ASB4: variants seen among roughly 807,000 people sequenced by gnomAD.
ASB4 encodes the protein ankyrin repeat and SOCS box containing 4.
A neutral mutation model predicts 38.6 loss-of-function variants in ASB4; 35 were observed. The ratio of observed to expected loss-of-function variants is 0.91; its 90% CI spans 0.69 to 1.20. The LOEUF is 1.20. Among genes scored for constraint, ASB4 ranks in the 50% most tolerant of loss-of-function variants. The probability of loss-of-function intolerance (pLI) is 0.00; values close to 1 mark genes in which losing one functional copy is unlikely to be tolerated. For synonymous variants in ASB4, 195 were observed against 201.3 expected (o/e 0.97, Z 0.26); for missense variants, 557 against 527.2 (o/e 1.06, Z -0.55).
chr7:95,522,910 A>G (rs923186100), intron 2 of ASB4, among the ~76,000 whole-genome samples: 9 of 152,174 alleles, frequency 5.9e-5, no homozygotes, highest in Non-Finnish European at 8.8e-5. Context: ...GCATAAATTA[A>G]AAGGTTCATG....
intron 2 of ASB4, among the ~76,000 whole-genome samples, chr7:95,518,086 C>G (rs1790609482): frequency 6.6e-6 from 1 of 152,158 alleles, no homozygotes; most frequent in African/African-American, 2.4e-5. Context: ...GGTAAAGATG[C>G]TGAATTAGTC....
chr7:95,503,588 C>A (rs1050618025), intron 2 of ASB4, among the ~76,000 whole-genome samples: 3 of 152,152 alleles, frequency 2.0e-5, no homozygotes, highest in African/African-American at 7.2e-5. Context: ...GAGGTATAGC[C>A]AAAGGCTAAA....
intron 3 of ASB4, among the ~76,000 whole-genome samples, chr7:95,534,072 C>CGATGGCCA (rs1562822818): frequency 6.6e-6 from 1 of 152,066 alleles, no homozygotes; most frequent in Non-Finnish European, 1.5e-5. Context: ...TGGCTGGGCG[C>CGATGGCCA]GGTGGCTTAC....
At chr7:95,506,543 T>C (rs1016352154) in intron 2 of ASB4, among the ~76,000 whole-genome samples, 5 of 152,218 alleles carry the variant, frequency 3.3e-5, no homozygotes, top group Non-Finnish European at 7.3e-5. Flanking sequence ...GAATTCTAGA[T>C]TCATAAACAT....
chr7:95,482,087 A>G (rs1340560547), upstream of ASB4, among the ~76,000 whole-genome samples: 1 of 152,210 alleles, frequency 6.6e-6, no homozygotes, highest in African/African-American at 2.4e-5. Context: ...GGGCAATTTA[A>G]TTAAGCTGCT....
At chr7:95,522,512 C>T (rs1271222681) in intron 2 of ASB4, among the ~76,000 whole-genome samples, 2 of 152,080 alleles carry the variant, frequency 1.3e-5, no homozygotes, top group Non-Finnish European at 2.9e-5. Context: ...CATAAATTTG[C>T]CTCTACATGT....
intron 1 of ASB4, among the ~76,000 whole-genome samples, chr7:95,489,623 G>A (rs1421707370): frequency 6.6e-6 from 1 of 152,170 alleles, no homozygotes; most frequent in Non-Finnish European, 1.5e-5. Flanking sequence ...TGGGAATGGC[G>A]GAGATAATGG....
chr7:95,494,224 G>A (rs1397808683), intron 1 of ASB4, among the ~76,000 whole-genome samples: 1 of 152,154 alleles, frequency 6.6e-6, no homozygotes, highest in Non-Finnish European at 1.5e-5. Flanking sequence ...CATCCTCAGA[G>A]CACCCTCTAG....
At chr7:95,476,138 C>T (rs1305901341), upstream of ASB4, among the ~76,000 whole-genome samples, 1 of 152,200 alleles carries the variant, frequency 6.6e-6, no homozygotes. Context: ...GGTCTAATTT[C>T]ATTCGTCTAT....
chr7:95,504,594 G>A (rs1394307996), intron 2 of ASB4, among the ~76,000 whole-genome samples: 1 of 152,038 alleles, frequency 6.6e-6, no homozygotes. Flanking sequence ...TACCACCTGT[G>A]CAATATGAAT....
chr7:95,473,542 T>G (rs1228426584), upstream of ASB4, among the ~76,000 whole-genome samples: 1 of 152,104 alleles, frequency 6.6e-6, no homozygotes, highest in Non-Finnish European at 1.5e-5. Flanking sequence ...AAATCCCCAT[T>G]AATGAGGGAA....
chr7:95,537,888 A>C lies in ASB4; in HGVS notation c.*129A>C. 1.4e-6 allele frequency: 1 copy of C among 712,194 alleles called. No homozygotes were observed. The allele number at this position is 712,194 out of a possible 1,614,324, so 44.1% of individuals were successfully genotyped here. A position where few individuals can be genotyped will look rare whatever the true frequency, so the allele number is the denominator to read the frequency against. Reference sequence around the variant, plus strand: ...AGGGATTTCAAAACACTTTACAAACACTGCCATTAATCCTAGAATATCATG... The same window carrying C: ...AGGGATTTCAAAACACTTTACAAACCCTGCCATTAATCCTAGAATATCATG... On this transcript the variant is annotated 3_prime_UTR_variant, in exon 5 of 5. Transcript: ENST00000325885.
intron 3 of ASB4, among the ~76,000 whole-genome samples, chr7:95,529,407 C>T (rs1790789392): frequency 6.6e-6 from 1 of 152,196 alleles, no homozygotes; most frequent in Non-Finnish European, 1.5e-5. Context: ...AGTTCTACGT[C>T]TTACCTGGGT....
intron 2 of ASB4, among the ~76,000 whole-genome samples, chr7:95,496,660 A>C (rs1790253444): frequency 6.6e-6 from 1 of 152,106 alleles, no homozygotes; most frequent in Non-Finnish European, 1.5e-5. Context: ...CAGTCTCGGC[A>C]ACATAGGGAG....
Position 95,528,024 on chromosome 7 carries a change from G to A in ASB4, c.699G>A (p.Leu233=). ...AGGAGTACAGCACGGAGCACCACCT[G>A]GTCTGCCGCATGCTGCTTGACTACA... ...KEQEYSTEHH[L]VCRMLLDYKA... is the part of the protein sequence containing the mutation. Residue 233 remains leucine (L), a synonymous_variant, in exon 3 of 5, where the codon CTG becomes CTA. Coordinates refer to ENST00000325885, the MANE Select transcript of ASB4 (RefSeq NM_016116.3). The A allele has an allele frequency of 8.7e-6, 14 of 1,614,102 alleles. No homozygotes were observed. The highest frequency in any genetic ancestry group is 8.5e-6 in the Non-Finnish European group (10 of 1,180,022).
intron 2 of ASB4, among the ~76,000 whole-genome samples, chr7:95,519,147 A>G (rs1198758856): frequency 6.6e-6 from 1 of 152,194 alleles, no homozygotes; most frequent in East Asian, 1.9e-4. Flanking sequence ...ACAAGAGAAT[A>G]TATTTGCCAT....
chr7:95,537,519 A>G, intron 4 of ASB4, 52 bp from the exon 5 acceptor site: 3 of 1,474,930 alleles, frequency 2.0e-6, no homozygotes, highest in Non-Finnish European at 2.8e-6. Context: ...ATTTTTATTG[A>G]TGTAAACTGT....
At chr7:95,472,779 A>G in the ASB4 span, among the ~76,000 whole-genome samples, 2 of 152,176 alleles carry the variant, frequency 1.3e-5, no homozygotes, top group Non-Finnish European at 2.9e-5. Flanking sequence ...AGCCCCAAGG[A>G]GCACTCCTCA....
At chr7:95,545,137 G>T (rs961232232), downstream of ASB4, among the ~76,000 whole-genome samples, 1 of 152,038 alleles carries the variant, frequency 6.6e-6, no homozygotes. Flanking sequence ...TTTGTTAAGG[G>T]TTCATTGCTC....
Sources: gnomAD v4.1 joint callset for allele counts (sites outside exome capture counted in the v4.1 genomes callset) on GRCh38, gnomAD v4.1.1 for gene constraint, MANE v1.5 for transcripts, NCBI Gene and HGNC (gene_info 2026-07-23, HGNC 2026-07-21) for gene names.